Variants in PTGES3L observed in about 807,000 individuals in gnomAD.
PTGES3L encodes the protein prostaglandin E synthase 3 like, also known as putative protein PTGES3L.
PTGES3L carries 17 observed loss-of-function variants against 25.0 expected under a neutral mutation model. The ratio of observed to expected loss-of-function variants is 0.68; its 90% CI spans 0.47 to 1.02. The LOEUF is 1.02. Among genes scored for constraint, PTGES3L ranks in the 50% least tolerant of loss-of-function variants. PTGES3L has a pLI of 0.00. For missense variants in PTGES3L, 202 were observed against 197.5 expected, an observed-to-expected ratio of 1.02 and a Z score of -0.14; for synonymous variants, 59 against 65.7, an observed-to-expected ratio of 0.90 and a Z score of 0.50.
intron 4 of PTGES3L, among the ~76,000 whole-genome samples, chr17:42,974,759 T>G (rs2049923992): frequency 7.8e-6 from 1 of 128,196 alleles, no homozygotes; most frequent in African/African-American, 3.1e-5. Context: ...GGCGATGGAG[T>G]GAGACTCTGT....
At chr17:42,974,728 A>ACG (rs2049923077) in intron 4 of PTGES3L, among the ~76,000 whole-genome samples, 1 of 149,978 alleles carries the variant, frequency 6.7e-6, no homozygotes, top group South Asian at 2.1e-4. Context: ...AGTCGAGATC[A>ACG]CGCCACTGTA....
intron 4 of PTGES3L, among the ~76,000 whole-genome samples, chr17:42,977,845 G>A (rs773414426): frequency 1.5e-3 from 228 of 152,018 alleles, no homozygotes; most frequent in Non-Finnish European, 1.7e-3. Context: ...TTAGGAGGCC[G>A]ATGCAGGTGG....
At position 42,971,651 on chromosome 17, in the gene PTGES3L, C is replaced by G; in HGVS notation, c.334G>C (p.Gly112Arg). Residue 112 changes from glycine to arginine, a missense_variant, in exon 5 of 7, where the codon GGG becomes CGG. Coordinates refer to ENST00000591916, the MANE Select transcript of PTGES3L (RefSeq NM_001261430.2). ...VDFDNWRDWE[G>R]DEEMELAHVE... The stretch of plus-strand genomic sequence containing the variant: ...TGAGCCAGCTCCATCTCTTCATCCC[C>G]TTCCCAGTCTCTCCAGTTATCAAAG... The G allele has an allele frequency of 6.2e-7, 1 of 1,614,082 alleles. No homozygotes were observed. The highest frequency in any genetic ancestry group is 1.7e-5 in the Admixed American group (1 of 59,998).
chr17:42,971,726 C>A, intron 4 of PTGES3L, 30 bp from the exon 5 acceptor site: 2 of 1,612,520 alleles, frequency 1.2e-6, no homozygotes, highest in Admixed American at 3.3e-5. Flanking sequence ...GAGTCACAGG[C>A]CAGGAGGGCA....
chr17:42,970,213 G>T lies in PTGES3L; in HGVS notation c.432+76C>A, dbSNP rs867299990. Reference sequence around the variant, plus strand: ...TGAGAACTACTGTGTGCTAGGAACTGGGATAGGAGCTCTCTAGTGGGTTGT... The same window carrying T: ...TGAGAACTACTGTGTGCTAGGAACTTGGATAGGAGCTCTCTAGTGGGTTGT... On this transcript the variant is annotated intron_variant, in intron 6 of 6. Coordinates refer to ENST00000591916, the MANE Select transcript of PTGES3L (RefSeq NM_001261430.2). The T allele has an allele frequency of 2.4e-5, 38 of 1,564,478 alleles. No individual in the cohort carries two copies. In the Middle Eastern group the frequency reaches 2.8e-3, roughly 113 times the overall value.
intron 4 of PTGES3L, among the ~76,000 whole-genome samples, chr17:42,973,348 C>T (rs1490952031): frequency 1.0e-4 from 6 of 59,094 alleles, no homozygotes; most frequent in Admixed American, 3.7e-4. Context: ...CCCGGCCAGC[C>T]GCCCCGTCCG....
rs747833167 is a variant in PTGES3L, at chr17:42,969,188, T to TGGGGG, written c.433-7_433-3dup. ...ATCATCAGCACTGTCAGAATCATCC[T>TGGGGG]GGGGGCGGGGGGGAAAAAAGACAAA... On this transcript the variant is annotated splice_polypyrimidine_tract_variant and splice_region_variant and intron_variant, in intron 6 of 6. Coordinates refer to ENST00000591916, the MANE Select transcript of PTGES3L (RefSeq NM_001261430.2). 3.0e-6 allele frequency: 3 copies of TGGGGG among 1,012,014 alleles called. No homozygotes were observed. The African/African-American group carries it at 1.0e-4, about 35-fold the overall frequency. The allele number at this position is 1,012,014 out of a possible 1,614,324, so 62.7% of individuals were successfully genotyped here.
intron 5 of PTGES3L, among the ~76,000 whole-genome samples, chr17:42,970,714 A>G (rs934643547): frequency 7.9e-6 from 1 of 126,702 alleles, no homozygotes; most frequent in African/African-American, 2.6e-5. Context: ...ACACACACAC[A>G]CACAGAGGCC....
At chr17:42,979,527 C>T in intron 2 of PTGES3L, 23 bp downstream of exon 2, 1 of 1,614,144 alleles carries the variant, frequency 6.2e-7, no homozygotes. Flanking sequence ...GGAAGCCAGG[C>T]CCTCGGACGG....
chr17:42,979,456 A>G lies in PTGES3L; in HGVS notation c.123-12T>C, dbSNP rs181889669. 8 of 1,614,194 alleles carry G rather than the reference A, an allele frequency of 5.0e-6. No individual in the cohort carries two copies. The highest frequency in any genetic ancestry group is 8.5e-7 in the Non-Finnish European group (1 of 1,180,036). On this transcript the variant is annotated splice_polypyrimidine_tract_variant and intron_variant, in intron 2 of 6. Coordinates refer to ENST00000591916, the MANE Select transcript of PTGES3L (RefSeq NM_001261430.2). ...CGGCATTCTTGCAGCTGAGGAGACA[A>G]TGAAGCTGAGGAGATGCGGAATACT...
chr17:42,972,364 G>A (rs1322734053), intron 4 of PTGES3L, among the ~76,000 whole-genome samples: 12 of 88,950 alleles, frequency 1.3e-4, no homozygotes, highest in East Asian at 7.5e-4. Context: ...CTCTTTCCAC[G>A]GTCTCCCTCT....
chr17:42,974,736 G>C (rs1287837872), intron 4 of PTGES3L, among the ~76,000 whole-genome samples: 1 of 146,042 alleles, frequency 6.8e-6, no homozygotes, highest in Non-Finnish European at 1.5e-5. Context: ...TCACGCCACT[G>C]TACTCCAACC....
At chr17:42,970,904 G>A (rs1323541141) in intron 5 of PTGES3L, among the ~76,000 whole-genome samples, 1 of 151,978 alleles carries the variant, frequency 6.6e-6, no homozygotes, top group Non-Finnish European at 1.5e-5. Context: ...CTACTCAGGT[G>A]GCTGAGGCAC....
At chr17:42,974,752 G>A (rs1442133812) in intron 4 of PTGES3L, among the ~76,000 whole-genome samples, 3 of 143,306 alleles carry the variant, frequency 2.1e-5, no homozygotes, top group East Asian at 2.0e-4. Context: ...CAACCTGGGC[G>A]ATGGAGTGAG....
At chr17:42,971,531 A>G in intron 5 of PTGES3L, 76 bp downstream of exon 5, 1 of 1,545,604 alleles carries the variant, frequency 6.5e-7, no homozygotes, top group Non-Finnish European at 8.9e-7. Flanking sequence ...CCCAGTGACA[A>G]TCCTCCAGAG....
intron 1 of PTGES3L, 77 bp downstream of exon 1, chr17:42,979,969 G>T: frequency 6.7e-7 from 1 of 1,483,424 alleles, no homozygotes. Flanking sequence ...CACAGAACCT[G>T]GAGCGCCCAG....
chr17:42,974,422 C>T (rs529140212), intron 4 of PTGES3L, among the ~76,000 whole-genome samples: 15 of 151,680 alleles, frequency 9.9e-5, no homozygotes, highest in South Asian at 6.3e-4. Context: ...CTTCAAGGTC[C>T]ATGTTCCAAA....
chr17:42,979,078 G>T, intron 4 of PTGES3L, 92 bp downstream of exon 4: 1 of 1,303,404 alleles, frequency 7.7e-7, no homozygotes, highest in Non-Finnish European at 1.1e-6. Context: ...CTTGTTGAGT[G>T]ATTGAATATT....
intron 1 of PTGES3L, 154 bp downstream of exon 1, chr17:42,979,892 A>G (rs981750794): frequency 1.5e-5 from 22 of 1,445,650 alleles, no homozygotes; most frequent in Non-Finnish European, 2.0e-5. Context: ...CAGGGAGAAC[A>G]TTCAGGTCAC....
Sources: gnomAD v4.1 joint callset for allele counts (sites outside exome capture counted in the v4.1 genomes callset) on GRCh38, gnomAD v4.1.1 for gene constraint, MANE v1.5 for transcripts, NCBI Gene and HGNC (gene_info 2026-07-23, HGNC 2026-07-21) for gene names.